Variants in RC3H2 observed in about 807,000 individuals in gnomAD.
The protein encoded by RC3H2 is ring finger and CCCH-type domains 2, also known as roquin-2.
In RC3H2, 31 loss-of-function variants were observed where a neutral mutation model predicts 133.3. That is an observed-to-expected ratio of 0.23 (90% CI 0.17 to 0.31). The LOEUF is 0.31. Among genes scored for constraint, RC3H2 ranks in the 10% least tolerant of loss-of-function variants. The probability of loss-of-function intolerance (pLI) is 1.00; values close to 1 mark genes in which losing one functional copy is unlikely to be tolerated. For synonymous variants in RC3H2, 517 were observed against 502.2 expected (o/e 1.03, Z -0.40); for missense variants, 1,175 against 1,437.2 (o/e 0.82, Z 2.95).
chr9:122,863,509 T>C (rs1425018140), intron 10 of RC3H2, among the ~76,000 whole-genome samples: 1 of 152,206 alleles, frequency 6.6e-6, no homozygotes, highest in Non-Finnish European at 1.5e-5. Context: ...TAATTTCCCA[T>C]ATTTCTCCCA....
chr9:122,850,949 A>G (rs1369527222), intron 20 of RC3H2, 132 bp downstream of exon 20: 14 of 980,618 alleles, frequency 1.4e-5, no homozygotes, highest in Admixed American at 2.3e-5. Context: ...TTCCCTAAAA[A>G]TCCAGATTGA....
chr9:122,861,105 T>C (rs1449766632), intron 10 of RC3H2, among the ~76,000 whole-genome samples: 1 of 152,156 alleles, frequency 6.6e-6, no homozygotes, highest in Admixed American at 6.5e-5. Flanking sequence ...AACCTTTTAT[T>C]ATTATTATTT....
intron 18 of RC3H2, among the ~76,000 whole-genome samples, chr9:122,852,855 C>G (rs1417507325): frequency 6.6e-6 from 1 of 152,216 alleles, no homozygotes; most frequent in Non-Finnish European, 1.5e-5. Flanking sequence ...GCCCCTCTGC[C>G]CAGCCACCAC....
chr9:122,900,688 A>G (rs1012217974), intron 1 of RC3H2, among the ~76,000 whole-genome samples: 1 of 152,182 alleles, frequency 6.6e-6, no homozygotes, highest in African/African-American at 2.4e-5. Flanking sequence ...ATGAATATTT[A>G]TAGTTACTAC....
chr9:122,868,965 G>A (rs551208357), intron 9 of RC3H2, among the ~76,000 whole-genome samples: 54 of 145,516 alleles, frequency 3.7e-4, no homozygotes, highest in African/African-American at 1.3e-3. Flanking sequence ...GCAATGGCGC[G>A]ATCTCGGCTC....
At chr9:122,876,748 A>G (rs1320623513) in intron 9 of RC3H2, among the ~76,000 whole-genome samples, 1 of 152,184 alleles carries the variant, frequency 6.6e-6, no homozygotes, top group Non-Finnish European at 1.5e-5. Context: ...AAATTGGATA[A>G]TAGTATTAAA....
chr9:122,884,402 T>C (rs1023279030), intron 4 of RC3H2, among the ~76,000 whole-genome samples: 2 of 152,192 alleles, frequency 1.3e-5, no homozygotes, highest in South Asian at 4.1e-4. Context: ...TTACTTTGCC[T>C]GTCAGAACTA....
chr9:122,877,589 A>T lies in RC3H2; in HGVS notation c.1213-6T>A. 1 of 1,612,048 alleles carries T rather than the reference A, an allele frequency of 6.2e-7. No homozygotes were observed. Among genetic ancestry groups the T allele is most frequent in the Non-Finnish European group, 8.5e-7 (1 of 1,178,118 alleles). ...TATTTGCTGTTTGGCTGAGGCTACA[A>T]AAATGGGAACACATTCAATGAGTGG... On this transcript the variant is annotated splice_polypyrimidine_tract_variant and splice_region_variant and intron_variant, in intron 8 of 20. Coordinates refer to ENST00000357244, the MANE Select transcript of RC3H2 (RefSeq NM_001100588.3).
At chr9:122,884,903 A>G (rs180756661) in intron 4 of RC3H2, among the ~76,000 whole-genome samples, 1 of 152,186 alleles carries the variant, frequency 6.6e-6, no homozygotes, top group East Asian at 1.9e-4. Flanking sequence ...TGTATTCTTC[A>G]GGAATATCAG....
intron 10 of RC3H2, among the ~76,000 whole-genome samples, chr9:122,860,574 C>T (rs148303140): frequency 3.3e-5 from 5 of 151,794 alleles, no homozygotes; most frequent in African/African-American, 1.2e-4. Flanking sequence ...CCACCACACT[C>T]GGCTAATTTT....
rs549076070 is a variant in RC3H2 at position 122,854,054 on chromosome 9, C to T, written c.3015G>A (p.Glu1005=). ...TCTGTTGCATGGCCAAAGCATTGGCCTCTCTCTGAAGAAGTAATGAGTTGC... is the reference window on the plus strand; with the variant it reads ...TCTGTTGCATGGCCAAAGCATTGGCTTCTCTCTGAAGAAGTAATGAGTTGC... The part of the protein sequence containing the change: ...AKSNSLLLQR[E]ANALAMQQKW... The change falls in exon 18 of 21, where the codon GAG becomes GAA. Residue 1005 remains glutamate (E), a synonymous_variant. Transcript: ENST00000357244. 8 of 1,614,056 alleles carry T rather than the reference C, an allele frequency of 5.0e-6. No individual in the cohort carries two copies. The African/African-American group carries it at 1.1e-4, about 22-fold the overall frequency.
chr9:122,900,682 A>G (rs2131511301), intron 1 of RC3H2, among the ~76,000 whole-genome samples: 1 of 152,302 alleles, frequency 6.6e-6, no homozygotes, highest in African/African-American at 2.4e-5. Flanking sequence ...ATTGCTATGA[A>G]TATTTATAGT....
chr9:122,859,252 C>CTTGTTTTTTTTT (rs1830367275), intron 11 of RC3H2, 150 bp from the exon 12 acceptor site: 1 of 179,744 alleles, frequency 5.6e-6, no homozygotes. Context: ...TATACCCTGG[C>CTTGTTTTTTTTT]TTTTTTTTTT....
chr9:122,871,482 A>T (rs1237792375), intron 9 of RC3H2, among the ~76,000 whole-genome samples: 1 of 142,234 alleles, frequency 7.0e-6, no homozygotes, highest in African/African-American at 2.7e-5. Flanking sequence ...TGTTTTTAGT[A>T]GAGACGGGGT....
In RC3H2 at chr9:122,883,731, C is replaced by T. The variant is rs10985806; in HGVS notation, c.584-352G>A. ...TGTGGTGGTTCATGCCTGTAAATCC[C>T]AGCACGTTGAGAGGCCGAGGCAGGA... On this transcript the variant is annotated intron_variant, in intron 4 of 20. Transcript: ENST00000357244. 1.6e-3 allele frequency among the ~76,000 whole-genome samples: 248 copies of T among 152,178 alleles called. 9 individuals carry two copies. The East Asian group carries it at 0.046, about 28-fold the overall frequency.
intron 9 of RC3H2, among the ~76,000 whole-genome samples, chr9:122,868,120 G>A (rs1371777713): frequency 6.9e-6 from 1 of 145,444 alleles, no homozygotes; most frequent in Non-Finnish European, 1.5e-5. Flanking sequence ...AGGGAGGTGG[G>A]GGTGTCAGCC....
Position 122,855,204 on chromosome 9 carries a change from G to A in RC3H2, c.2795C>T (p.Thr932Ile). 1.2e-6 allele frequency: 2 copies of A among 1,613,788 alleles called. No homozygotes were observed. The highest frequency in any genetic ancestry group is 1.7e-6 in the Non-Finnish European group (2 of 1,179,786). ...ATTACCTGATACACTGATGGGCTTA[G>A]TCGCACTTCCTTGGGAAGCAGTGGC... is the stretch of plus-strand genomic sequence containing the variant. The part of the protein sequence containing the change: ...VQATASQGSA[T>I]KPISVSDYVP... Residue 932 changes from threonine (T) to isoleucine (I), a missense_variant, in exon 15 of 21, where the codon ACT (threonine) becomes ATT (isoleucine). Thr to Ile is a moderately conservative substitution (Grantham distance 89). Coordinates refer to ENST00000357244, the MANE Select transcript of RC3H2 (RefSeq NM_001100588.3).
chr9:122,900,341 C>T (rs1323873798), intron 1 of RC3H2, among the ~76,000 whole-genome samples: 1 of 152,070 alleles, frequency 6.6e-6, no homozygotes, highest in Non-Finnish European at 1.5e-5. Flanking sequence ...TTCCCTTATA[C>T]GATCAGATGT....
At chr9:122,890,594 TA>T (rs761731051) in intron 3 of RC3H2, 49 bp from the exon 4 acceptor site, 1 of 1,438,756 alleles carries the variant, frequency 7.0e-7, no homozygotes, top group Non-Finnish European at 9.5e-7. Context: ...CAATAAAAAA[TA>T]AAAGTCAATT....
Sources: gnomAD v4.1 joint callset for allele counts (sites outside exome capture counted in the v4.1 genomes callset) on GRCh38, gnomAD v4.1.1 for gene constraint, MANE v1.5 for transcripts, NCBI Gene and HGNC (gene_info 2026-07-23, HGNC 2026-07-21) for gene names.